The following LAMC3 variants were observed in gnomAD, a reference collection of about 807,000 sequenced individuals.
The protein encoded by LAMC3 is laminin subunit gamma 3.
A neutral mutation model predicts 173.8 loss-of-function variants in LAMC3; 128 were observed. That is an observed-to-expected ratio of 0.74 (90% CI 0.64 to 0.85). The LOEUF is 0.85. Ranked by LOEUF, LAMC3 falls within the 40% of genes least tolerant of loss-of-function variation. The probability of loss-of-function intolerance (pLI) is 0.00; values close to 1 mark genes in which losing one functional copy is unlikely to be tolerated. For missense variants in LAMC3, 2,022 were observed against 2,156.0 expected (o/e 0.94, Z 1.23); for synonymous variants, 897 against 909.1 (o/e 0.99, Z 0.24).
chr9:131,069,152 G>A (rs1829995669), intron 16 of LAMC3, 102 bp downstream of exon 16: 12 of 1,357,172 alleles, frequency 8.8e-6, no homozygotes, highest in South Asian at 3.6e-5. Flanking sequence ...GGAAAGGATC[G>A]TCAGACATGG....
chr9:131,039,070 C>T lies in LAMC3; in HGVS notation c.1165+18C>T. On this transcript the variant is annotated intron_variant, in intron 5 of 27. Transcript: ENST00000361069. ...GTCGGCAGGTGAGTGGACTCCACAT[C>T]CCCAGCCTCCGACCCTCTCCCTTTC... The T allele has an allele frequency of 6.2e-7, 1 of 1,612,682 alleles. No homozygotes were observed. Among genetic ancestry groups the T allele is most frequent in the Non-Finnish European group, 8.5e-7 (1 of 1,179,930 alleles).
chr9:131,084,777 T>C (rs1382276648), intron 24 of LAMC3, among the ~76,000 whole-genome samples: 2 of 151,904 alleles, frequency 1.3e-5, no homozygotes, highest in Non-Finnish European at 2.9e-5. Flanking sequence ...TGTGTGCTTA[T>C]AATCTCAGCT....
At chr9:131,032,489 T>A (rs2133237131) in intron 3 of LAMC3, among the ~76,000 whole-genome samples, 1 of 151,282 alleles carries the variant, frequency 6.6e-6, no homozygotes, top group African/African-American at 2.4e-5. Context: ...TTTCTCTCGC[T>A]CTCGCTCTCT....
chr9:131,067,201 C>T lies in LAMC3; in HGVS notation c.2589C>T (p.Cys863=), dbSNP rs1374501470. ...SALAPRPADK[C]MPCSCHPQGS... is the part of the protein sequence containing the mutation. ...TGGCCCCTCGACCCGCAGACAAATG[C>T]ATGCGTGAGTACCTACCTCCAGACC... The change falls in exon 14 of 28, where the codon TGC becomes TGT. Residue 863 remains cysteine, a synonymous_variant. Coordinates refer to ENST00000361069, the MANE Select transcript of LAMC3 (RefSeq NM_006059.4). 6.2e-7 allele frequency: 1 copy of T among 1,613,260 alleles called. No individual in the cohort carries two copies. The highest frequency in any genetic ancestry group is 2.2e-5 in the East Asian group (1 of 44,838).
chr9:131,045,179 AC>A (rs1405820457), intron 7 of LAMC3, among the ~76,000 whole-genome samples: 1 of 148,904 alleles, frequency 6.7e-6, no homozygotes, highest in Non-Finnish European at 1.5e-5. Context: ...CCAAGATTGC[AC>A]CATTGCACTC....
At chr9:131,045,802 G>T in intron 8 of LAMC3, 142 bp downstream of exon 8, 1 of 1,084,514 alleles carries the variant, frequency 9.2e-7, no homozygotes, top group Non-Finnish European at 1.4e-6. Context: ...TGGGGTCGGG[G>T]GTGAGATGAT....
rs1283297265 is a variant in LAMC3 at position 131,009,395 on chromosome 9, T to C, written c.181T>C (p.Phe61Leu). ...SHTCGSPPED[F>L]CPHVGAAGAG... ...CACGTGCGGCAGCCCGCCCGAGGAC[T>C]TCTGTCCCCACGTGGGCGCCGCGGG... The change falls in exon 1 of 28, where the codon TTC (phenylalanine) becomes CTC (leucine). Residue 61 changes from phenylalanine (F) to leucine (L), a missense_variant. Physicochemically the swap from Phe to Leu is conservative, Grantham distance 22 (BLOSUM62 0). Coordinates refer to ENST00000361069, the MANE Select transcript of LAMC3 (RefSeq NM_006059.4). The surrounding 1 kb of genome is among the most constrained non-coding windows in gnomAD (Gnocchi z 4.3). 7.2e-6 allele frequency: 11 copies of C among 1,537,502 alleles called. No individual in the cohort carries two copies. The highest frequency in any genetic ancestry group is 8.7e-6 in the Non-Finnish European group (10 of 1,144,524).
At chr9:131,041,572 G>A in intron 6 of LAMC3, 65 bp from the exon 7 acceptor site, 1 of 1,412,928 alleles carries the variant, frequency 7.1e-7, no homozygotes. Flanking sequence ...CCCTTCCTAG[G>A]ATGGGCTGTT....
Position 131,067,139 on chromosome 9 carries a change from T to C in LAMC3, c.2527T>C (p.Cys843Arg), listed in dbSNP as rs1829952664. The change falls in exon 14 of 28, where the codon TGT (cysteine) becomes CGT (arginine). Residue 843 changes from cysteine to arginine, a missense_variant. By Grantham distance (180) the Cys-to-Arg change is radical (BLOSUM62 -3). Coordinates refer to ENST00000361069, the MANE Select transcript of LAMC3 (RefSeq NM_006059.4). ...CCTGCACAACACCACGGGTGACCAC[T>C]GTGAGCACTGTCAGGAAGGCTTCTA... ...RCLHNTTGDHCEHCQEGFYGS... is the reference protein window; with the variant it reads ...RCLHNTTGDHREHCQEGFYGS... 1.2e-6 allele frequency: 2 copies of C among 1,614,160 alleles called. No individual in the cohort carries two copies. Among genetic ancestry groups the C allele is most frequent in the Non-Finnish European group, 8.5e-7 (1 of 1,180,034 alleles).
intron 21 of LAMC3, among the ~76,000 whole-genome samples, chr9:131,076,783 G>T (rs1460741810): frequency 1.3e-5 from 2 of 152,226 alleles, no homozygotes; most frequent in East Asian, 3.9e-4. Flanking sequence ...GTGAGGACGT[G>T]CCCAAGGTCT....
In LAMC3 at chr9:131,009,594, G is replaced by A. The variant is rs765925946; in HGVS notation, c.373+7G>A. 214 of 1,566,240 alleles carry A rather than the reference G, an allele frequency of 1.4e-4. No homozygotes were observed. Among genetic ancestry groups the A allele is most frequent in the Non-Finnish European group, 1.6e-4 (184 of 1,157,242 alleles). On this transcript the variant is annotated splice_region_variant and intron_variant, in intron 1 of 27. Coordinates refer to ENST00000361069, the MANE Select transcript of LAMC3 (RefSeq NM_006059.4). The surrounding 1 kb of genome is among the most constrained non-coding windows in gnomAD (Gnocchi z 4.3). ...AACATCACCCTCCGCCTAGGTAAGC[G>A]CGGGCTGGGGGCACCGCCACCGCAC...
intron 22 of LAMC3, 43 bp downstream of exon 22, chr9:131,077,377 T>A (rs749468596): frequency 1.7e-5 from 28 of 1,609,304 alleles, no homozygotes; most frequent in Non-Finnish European, 2.1e-5. Flanking sequence ...GTCGGGAGGA[T>A]CTATTATAGA....
At chr9:131,057,265 G>A in intron 12 of LAMC3, 118 bp downstream of exon 12, 1 of 825,184 alleles carries the variant, frequency 1.2e-6, no homozygotes, top group South Asian at 1.4e-5. Flanking sequence ...CAAGCTGTGG[G>A]GCAGTGCGGG....
chr9:131,043,377 T>TCTGGGG (rs1260698522), intron 7 of LAMC3, among the ~76,000 whole-genome samples: 2 of 152,134 alleles, frequency 1.3e-5, no homozygotes, highest in Admixed American at 6.6e-5. Flanking sequence ...AGTGGCAGAT[T>TCTGGGG]CTGGGGCTGG....
In LAMC3 at chr9:131,063,155, G is replaced by GCAGCCAA. The variant is rs371246859; in HGVS notation, c.2347+1943_2347+1949dup. ...GGACTGTTCTGAAAGCAGCTCTCTG[G>GCAGCCAA]CAGCCAACAGCCAACAGGGCAGGGC... On this transcript the variant is annotated intron_variant, in intron 13 of 27. Coordinates refer to ENST00000361069, the MANE Select transcript of LAMC3 (RefSeq NM_006059.4). 1.0e-2 allele frequency among the ~76,000 whole-genome samples: 1,516 copies of GCAGCCAA among 152,274 alleles called. 22 individuals carry two copies. Among genetic ancestry groups the GCAGCCAA allele is most frequent in the African/African-American group, 0.034 (1,403 of 41,544 alleles).
rs774341944 is a variant in LAMC3 at position 131,075,862 on chromosome 9, A to C, written c.3526A>C (p.Thr1176Pro). 1.9e-6 allele frequency: 3 copies of C among 1,612,132 alleles called. No individual in the cohort carries two copies. The highest frequency in any genetic ancestry group is 2.5e-6 in the Non-Finnish European group (3 of 1,178,996). ...AGACACCGCCACCAAGATCGCAGCC[A>C]CTGCTTGGAGGGCCCTGCTCGCCTC... ...HRDTATKIAA[T>P]AWRALLASNT... Residue 1176 changes from threonine to proline, a missense_variant, in exon 21 of 28, where the codon ACT becomes CCT. By Grantham distance (38) the Thr-to-Pro change is conservative. Coordinates refer to ENST00000361069, the MANE Select transcript of LAMC3 (RefSeq NM_006059.4).
At chr9:131,091,423 TG>T in intron 27 of LAMC3, 113 bp from the exon 28 acceptor site, 1 of 1,375,092 alleles carries the variant, frequency 7.3e-7, no homozygotes, top group Non-Finnish European at 1.0e-6. Context: ...TGGTGGATGG[TG>T]GGCCATTGGA....
chr9:131,089,243 G>A (rs1252059223), intron 27 of LAMC3, among the ~76,000 whole-genome samples: 3 of 151,754 alleles, frequency 2.0e-5, no homozygotes, highest in Non-Finnish European at 4.4e-5. Flanking sequence ...GTTAATGGGT[G>A]CAGCATACCA....
intron 24 of LAMC3, among the ~76,000 whole-genome samples, chr9:131,083,906 G>T (rs572690158): frequency 8.9e-6 from 1 of 112,230 alleles, no homozygotes. Context: ...ATAGAGTCTC[G>T]CTCTGTTGCC....
Sources: gnomAD v4.1 joint callset for allele counts (sites outside exome capture counted in the v4.1 genomes callset) on GRCh38, gnomAD v4.1.1 for gene constraint, Gnocchi (gnomAD v3.1) non-coding constraint, MANE v1.5 for transcripts, NCBI Gene and HGNC (gene_info 2026-07-23, HGNC 2026-07-21) for gene names.